BCLAF1: variants seen among roughly 807,000 people sequenced by gnomAD.
BCLAF1 encodes the protein bcl-2-associated transcription factor 1.
BCLAF1 carries 10 observed loss-of-function variants against 99.5 expected under a neutral mutation model. The observed-to-expected ratio is 0.10, with a 90% confidence interval of 0.06 to 0.17. BCLAF1 has a LOEUF of 0.17. Among genes scored for constraint, BCLAF1 ranks in the 10% least tolerant of loss-of-function variants. The pLI is 1.00. For missense variants in BCLAF1, 636 were observed against 1,105.8 expected (o/e 0.58, Z 6.02); for synonymous variants, 255 against 370.9 (o/e 0.69, Z 3.59).
rs1447598953 is a variant in BCLAF1, at chr6:136,259,776, T to G, written c.*1334A>C. 6.6e-6 allele frequency: 1 copy of G among 152,056 alleles called. No homozygotes were observed. The highest frequency in any genetic ancestry group is 1.5e-5 in the Non-Finnish European group (1 of 67,906). The allele number at this position is 152,056 out of a possible 1,614,324, so 9.4% of individuals were successfully genotyped here. On this transcript the variant is annotated 3_prime_UTR_variant, in exon 13 of 13. Transcript: ENST00000531224. ...AAGTTTACATTAACAGAATAAGCAT[T>G]AGCTCCTTTTAACACACACACACAA... is the stretch of plus-strand genomic sequence containing the variant.
intron 2 of BCLAF1, among the ~76,000 whole-genome samples, chr6:136,281,083 T>C (rs1481460182): frequency 6.6e-6 from 1 of 152,202 alleles, no homozygotes; most frequent in East Asian, 1.9e-4. Context: ...AATACTTGGA[T>C]AGTTCCTCAT....
At chr6:136,278,966 C>T (rs1205820010) in intron 3 of BCLAF1, among the ~76,000 whole-genome samples, 190 bp from the exon 4 acceptor site, 1 of 147,594 alleles carries the variant, frequency 6.8e-6, no homozygotes, top group Non-Finnish European at 1.5e-5. Context: ...GAGAGAATAC[C>T]TTAAAGACCT....
At chr6:136,277,435 T>G (rs560104995) in intron 4 of BCLAF1, among the ~76,000 whole-genome samples, 1 of 152,328 alleles carries the variant, frequency 6.6e-6, no homozygotes, top group South Asian at 2.1e-4. Context: ...TATCATTTAG[T>G]TATGCTCTAA....
rs149673256 is a variant in BCLAF1 at position 136,268,269 on chromosome 6, G to T, written c.2290C>A (p.Arg764=). ...TCCTTCTTACTCTCCTTTTCTTCTC[G>T]AGAACTGGGAGAAGAAGGTGATGCT... is the stretch of plus-strand genomic sequence containing the variant. The part of the protein sequence containing the change: ...SSASPSSPSS[R]EEKESKKERE... The change falls in exon 10 of 13, where the codon CGA becomes AGA. Residue 764 remains arginine, a synonymous_variant. Coordinates refer to ENST00000531224, the MANE Select transcript of BCLAF1 (RefSeq NM_014739.3). 245 of 1,602,378 alleles carry T rather than the reference G, an allele frequency of 1.5e-4. No homozygotes were observed. In the East Asian group the frequency reaches 3.2e-3, roughly 21 times the overall value.
rs1439233959 is a variant in BCLAF1 at position 136,259,752 on chromosome 6, A to C, written c.*1358T>G. On this transcript the variant is annotated 3_prime_UTR_variant, in exon 13 of 13. Transcript: ENST00000531224. ...GAGCAATACACTTAAGATCTTCAAA[A>C]GTTTACATTAACAGAATAAGCATTA... 6.6e-6 allele frequency: 1 copy of C among 152,068 alleles called. No homozygotes were observed. The highest frequency in any genetic ancestry group is 6.6e-5 in the Admixed American group (1 of 15,254). The allele number at this position is 152,068 out of a possible 1,614,324, so 9.4% of individuals were successfully genotyped here. A position where few individuals can be genotyped will look rare whatever the true frequency, so the allele number is the denominator to read the frequency against.
At chr6:136,261,739 TA>T (rs1315335230) in intron 11 of BCLAF1, among the ~76,000 whole-genome samples, 1 of 152,186 alleles carries the variant, frequency 6.6e-6, no homozygotes, top group Non-Finnish European at 1.5e-5. Context: ...TCTCAACTGC[TA>T]AATTACCACT....
intron 12 of BCLAF1, 34 bp downstream of exon 12, chr6:136,261,231 A>C (rs1400552013): frequency 1.9e-6 from 3 of 1,601,816 alleles, no homozygotes; most frequent in Non-Finnish European, 1.7e-6. Context: ...ATATCAAAAA[A>C]AATCTGTCAG....
chr6:136,264,657 T>TA (rs1781475201), intron 11 of BCLAF1, among the ~76,000 whole-genome samples: 1 of 152,196 alleles, frequency 6.6e-6, no homozygotes, highest in Admixed American at 6.6e-5. Context: ...TTCCTTTACA[T>TA]ATAAGATACA....
intron 11 of BCLAF1, among the ~76,000 whole-genome samples, chr6:136,266,509 T>C (rs938852258): frequency 1.3e-5 from 2 of 152,120 alleles, no homozygotes; most frequent in Non-Finnish European, 2.9e-5. Flanking sequence ...AAAGCACCTC[T>C]ACCACAGGAA....
chr6:136,279,838 G>A lies in BCLAF1; in HGVS notation c.29C>T (p.Ser10Phe). 1.3e-6 allele frequency: 2 copies of A among 1,561,828 alleles called. No homozygotes were observed. Among genetic ancestry groups the A allele is most frequent in the Non-Finnish European group, 1.7e-6 (2 of 1,151,832 alleles). ...CTGTGATCTAGACTTTGACCTTGAAGAATGTGATCTAGAATTGGAGCGACC... is the reference window on the plus strand; with the variant it reads ...CTGTGATCTAGACTTTGACCTTGAAAAATGTGATCTAGAATTGGAGCGACC... MGRSNSRSH[S>F]SRSKSRSQSS... The change falls in exon 3 of 13, where the codon TCT becomes TTT. Residue 10 changes from serine to phenylalanine, a missense_variant. This residue lies in a region of BCLAF1 where 81 missense variants were observed against 132.5 expected (regional missense o/e 0.61). Coordinates refer to ENST00000531224, the MANE Select transcript of BCLAF1 (RefSeq NM_014739.3).
intron 1 of BCLAF1, among the ~76,000 whole-genome samples, chr6:136,287,876 C>T (rs1024584186): frequency 8.5e-5 from 13 of 152,104 alleles, no homozygotes; most frequent in African/African-American, 3.1e-4. Context: ...CAAAAATTAG[C>T]CCGGTGTGGT....
At chr6:136,278,937 CCTCA>C (rs928325306) in intron 3 of BCLAF1, among the ~76,000 whole-genome samples, 161 bp from the exon 4 acceptor site, 3 of 150,424 alleles carry the variant, frequency 2.0e-5, no homozygotes, top group East Asian at 3.9e-4. Context: ...AATCAAAAAG[CCTCA>C]CTAAGGTAAA....
chr6:136,270,804 G>A (rs953466923), intron 8 of BCLAF1, among the ~76,000 whole-genome samples: 4 of 151,758 alleles, frequency 2.6e-5, no homozygotes, highest in African/African-American at 9.7e-5. Flanking sequence ...TCTGGTCTAT[G>A]TAATGAGGAG....
At chr6:136,283,546 C>T (rs1784659279) in intron 1 of BCLAF1, among the ~76,000 whole-genome samples, 1 of 152,140 alleles carries the variant, frequency 6.6e-6, no homozygotes, top group African/African-American at 2.4e-5. Flanking sequence ...TATGTATATT[C>T]ACATCAAGTA....
chr6:136,269,505 G>A lies in BCLAF1; in HGVS notation c.2151C>T (p.Ser717=), dbSNP rs1355711985. 1.2e-6 allele frequency: 2 copies of A among 1,611,792 alleles called. No individual in the cohort carries two copies. Among genetic ancestry groups the A allele is most frequent in the South Asian group, 2.2e-5 (2 of 90,858 alleles). Residue 717 remains serine (S), a synonymous_variant, in exon 9 of 13, where the codon TCC becomes TCT. Transcript: ENST00000531224. ...TTTTTTCCTGCTTTCTTGATCCACT[G>A]GATTCCCTGGAGCCCTTGGAATCTC... is the stretch of plus-strand genomic sequence containing the variant. ...ERGDSKGSRE[S]SGSRKQEKTP... is the part of the protein sequence containing the mutation.
intron 1 of BCLAF1, among the ~76,000 whole-genome samples, chr6:136,287,204 G>A (rs529334353): frequency 1.3e-5 from 2 of 151,980 alleles, no homozygotes; most frequent in African/African-American, 4.8e-5. Context: ...CAGCTACTTG[G>A]GAGGCTGAGA....
chr6:136,274,096 CCAGGAAGACAGAAGA>C, intron 6 of BCLAF1: 1 of 1,287,736 alleles, frequency 7.8e-7, no homozygotes, highest in Non-Finnish European at 1.0e-6. Flanking sequence ...GCCATTTTTG[CCAGGAAGACAGAAGA>C]TTCAACTTTG....
intron 7 of BCLAF1, among the ~76,000 whole-genome samples, chr6:136,272,675 C>G (rs567255060): frequency 3.4e-4 from 52 of 152,036 alleles, no homozygotes; most frequent in African/African-American, 1.2e-3. Context: ...CATCACAATG[C>G]AACGAAGAGA....
intron 3 of BCLAF1, among the ~76,000 whole-genome samples, chr6:136,278,994 A>C (rs202008871): frequency 7.3e-4 from 106 of 145,496 alleles, no homozygotes; most frequent in Non-Finnish European, 1.3e-3. Flanking sequence ...GAAGGCACAA[A>C]ACACACACAC....
Sources: gnomAD v4.1 joint callset for allele counts (sites outside exome capture counted in the v4.1 genomes callset) on GRCh38, gnomAD v4.1.1 for gene constraint, gnomAD v4.1.1 regional missense constraint, MANE v1.5 for transcripts, NCBI Gene and HGNC (gene_info 2026-07-23, HGNC 2026-07-21) for gene names.